Variants in MCTP2 observed in about 807,000 individuals in gnomAD.
The protein encoded by MCTP2 is multiple C2 and transmembrane domain containing 2.
MCTP2 carries 132 observed loss-of-function variants against 111.6 expected under a neutral mutation model. The observed-to-expected ratio is 1.18, with a 90% confidence interval of 1.03 to 1.37. The LOEUF is 1.37. MCTP2 is among the 40% of genes most tolerant of loss of function. MCTP2 has a pLI of 0.00. For synonymous variants in MCTP2, 395 were observed against 387.7 expected, an observed-to-expected ratio of 1.02 and a Z score of -0.22; for missense variants, 1,183 against 1,067.9, an observed-to-expected ratio of 1.11 and a Z score of -1.50.
intron 17 of MCTP2, chr15:94,402,819 G>A (rs2152477139): frequency 7.4e-7 from 1 of 1,346,024 alleles, no homozygotes; most frequent in Admixed American, 3.1e-5. Flanking sequence ...CCTGTGCAAA[G>A]ATCACTATAA....
chr15:94,458,057 A>G lies in MCTP2; in HGVS notation c.2251-80A>G, dbSNP rs964518253. The G allele has an allele frequency of 4.5e-5, 35 of 785,470 alleles. No homozygotes were observed. The Admixed American group carries it at 7.0e-4, about 16-fold the overall frequency. 48.7% of individuals were successfully genotyped at this position (785,470 alleles called of 1,614,324 possible). On this transcript the variant is annotated intron_variant, in intron 19 of 22. Coordinates refer to ENST00000357742, the MANE Select transcript of MCTP2 (RefSeq NM_001385001.1). ...CTCTATTGGTAAAAACCTTGTTATT[A>G]TAACATGTTATAATATTTTCTGTAT...
chr15:94,399,826 C>T, intron 15 of MCTP2, 95 bp from the exon 16 acceptor site: 2 of 1,005,938 alleles, frequency 2.0e-6, no homozygotes, highest in South Asian at 2.6e-5. Context: ...GAGTCAGAAG[C>T]TATTGGTCTG....
Position 94,367,679 on chromosome 15 carries a change from G to A in MCTP2, c.1376G>A (p.Gly459Glu). The A allele has an allele frequency of 6.2e-7, 1 of 1,612,106 alleles. No individual in the cohort carries two copies. The highest frequency in any genetic ancestry group is 1.1e-5 in the South Asian group (1 of 90,966). ...CLELPLDSCL[G>E]ALLMLVTLTP... ...GAGCTGCCACTGGACAGCTGTCTGG[G>A]GGCTCTCCTTATGTTGGTCACACTT... is the stretch of plus-strand genomic sequence containing the variant. Residue 459 changes from glycine (G) to glutamate (E), a missense_variant, in exon 11 of 23, where the codon GGG becomes GAG. Physicochemically the swap from Gly to Glu is moderately conservative, Grantham distance 98 (BLOSUM62 -2). Coordinates refer to ENST00000357742, the MANE Select transcript of MCTP2 (RefSeq NM_001385001.1).
chr15:94,449,870 TAC>T (rs1231416827), intron 19 of MCTP2, among the ~76,000 whole-genome samples: 2 of 152,226 alleles, frequency 1.3e-5, no homozygotes, highest in African/African-American at 2.4e-5. Flanking sequence ...CTACAGTAGT[TAC>T]AGTTATAGAA....
chr15:94,396,208 T>G (rs564090392), intron 14 of MCTP2, among the ~76,000 whole-genome samples: 1 of 152,318 alleles, frequency 6.6e-6, no homozygotes, highest in South Asian at 2.1e-4. Context: ...TCAGGAAATC[T>G]CTCCAAATGA....
intron 17 of MCTP2, among the ~76,000 whole-genome samples, chr15:94,404,255 T>C (rs1438245319): frequency 6.6e-6 from 1 of 152,108 alleles, no homozygotes; most frequent in African/African-American, 2.4e-5. Context: ...AAATGCTTTC[T>C]TGAGACAGAA....
At chr15:94,454,630 TAATC>T (rs2084688704) in intron 19 of MCTP2, among the ~76,000 whole-genome samples, 1 of 151,932 alleles carries the variant, frequency 6.6e-6, no homozygotes, top group African/African-American at 2.4e-5. Context: ...ATTATGGTCA[TAATC>T]AGTTGGAAAG....
intron 2 of MCTP2, among the ~76,000 whole-genome samples, chr15:94,313,009 T>C (rs1222733417): frequency 6.6e-6 from 1 of 152,172 alleles, no homozygotes; most frequent in Non-Finnish European, 1.5e-5. Context: ...TCAGTGCCCC[T>C]ACCCGCAGTG....
intron 15 of MCTP2, chr15:94,399,493 T>G: frequency 5.9e-6 from 1 of 170,460 alleles, no homozygotes; most frequent in Non-Finnish European, 1.2e-5. Flanking sequence ...TTTTTCCGGG[T>G]CATTGAAAGG....
At chr15:94,259,979 A>G (rs1368612850) in intron 1 of MCTP2, among the ~76,000 whole-genome samples, 1 of 152,194 alleles carries the variant, frequency 6.6e-6, no homozygotes, top group Non-Finnish European at 1.5e-5. Flanking sequence ...ACATTGGGTA[A>G]GGAACCTTCT....
chr15:94,303,063 T>TATATATATATAGTTA (rs2075701502), intron 2 of MCTP2, among the ~76,000 whole-genome samples: 1 of 130,610 alleles, frequency 7.7e-6, no homozygotes, highest in African/African-American at 3.9e-5. Context: ...ACTAATGGAA[T>TATATATATATAGTTA]ATATATATAT....
At chr15:94,374,722 C>A (rs1166393813) in intron 12 of MCTP2, among the ~76,000 whole-genome samples, 1 of 152,160 alleles carries the variant, frequency 6.6e-6, no homozygotes, top group African/African-American at 2.4e-5. Context: ...GTTTCACACT[C>A]ATGGCCCTTA....
chr15:94,283,154 G>A (rs2074576654), intron 1 of MCTP2, among the ~76,000 whole-genome samples: 1 of 152,148 alleles, frequency 6.6e-6, no homozygotes, highest in Non-Finnish European at 1.5e-5. Flanking sequence ...AAAACCTATG[G>A]CAGTGGCTGC....
chr15:94,347,748 G>A (rs151150806), intron 8 of MCTP2, among the ~76,000 whole-genome samples: 194 of 152,206 alleles, frequency 1.3e-3, no homozygotes, highest in African/African-American at 4.4e-3. Flanking sequence ...AACAATTCGA[G>A]AGCTAAAAAA....
chr15:94,258,693 GT>G (rs1216700134), intron 1 of MCTP2, among the ~76,000 whole-genome samples: 1 of 152,132 alleles, frequency 6.6e-6, no homozygotes, highest in Non-Finnish European at 1.5e-5. Flanking sequence ...ATCTTGTCTG[GT>G]TTGCATTATG....
At chr15:94,266,316 T>A (rs1351314328) in intron 1 of MCTP2, among the ~76,000 whole-genome samples, 1 of 152,202 alleles carries the variant, frequency 6.6e-6, no homozygotes, top group East Asian at 1.9e-4. Context: ...CATGCAAATA[T>A]TTTTTTGACT....
At position 94,483,078 on chromosome 15, in the gene MCTP2, A is replaced by G. The variant is rs566910701; in HGVS notation, c.*4044A>G. On this transcript the variant is annotated 3_prime_UTR_variant, in exon 23 of 23. Coordinates refer to ENST00000357742, the MANE Select transcript of MCTP2 (RefSeq NM_001385001.1). ...TTCCACTGTGGAGAAGAAAGGAGAG[A>G]GAGAGGGCTGGAATTTGGAATGAAA... is the stretch of plus-strand genomic sequence containing the variant. The G allele has an allele frequency of 2.0e-5, 3 of 152,266 alleles. No homozygotes were observed. Among genetic ancestry groups the G allele is most frequent in the African/African-American group, 7.2e-5 (3 of 41,548 alleles). 9.4% of individuals were successfully genotyped at this position (152,266 alleles called of 1,614,324 possible). A position where few individuals can be genotyped will look rare whatever the true frequency, so the allele number is the denominator to read the frequency against.
intron 19 of MCTP2, among the ~76,000 whole-genome samples, chr15:94,449,236 T>C (rs1044238402): frequency 1.3e-5 from 2 of 152,232 alleles, no homozygotes; most frequent in African/African-American, 4.8e-5. Flanking sequence ...CAATTAGATT[T>C]ATGAAAATAT....
intron 7 of MCTP2, 132 bp from the exon 8 acceptor site, chr15:94,344,997 C>A: frequency 9.7e-7 from 1 of 1,035,636 alleles, no homozygotes; most frequent in Non-Finnish European, 1.4e-6. Flanking sequence ...TTCTCTATAA[C>A]CTCAGAACTT....
Sources: gnomAD v4.1 joint callset for allele counts (sites outside exome capture counted in the v4.1 genomes callset) on GRCh38, gnomAD v4.1.1 for gene constraint, MANE v1.5 for transcripts, NCBI Gene and HGNC (gene_info 2026-07-23, HGNC 2026-07-21) for gene names.